Variants in TMBIM6 observed in about 807,000 individuals in gnomAD.
The protein encoded by TMBIM6 is bax inhibitor 1.
TMBIM6 carries 13 observed loss-of-function variants against 31.4 expected under a neutral mutation model. The observed-to-expected ratio is 0.41, with a 90% CI of 0.27 to 0.66. The LOEUF is 0.66. Among genes scored for constraint, TMBIM6 ranks in the 30% least tolerant of loss-of-function variants. TMBIM6 has a pLI of 0.28. For synonymous variants in TMBIM6, 85 were observed against 101.7 expected (o/e 0.84, Z 0.99); for missense variants, 275 against 289.5 (o/e 0.95, Z 0.36).
At chr12:49,748,400 C>G (rs1945435843) in intron 1 of TMBIM6, among the ~76,000 whole-genome samples, 1 of 152,190 alleles carries the variant, frequency 6.6e-6, no homozygotes, top group Non-Finnish European at 1.5e-5. Flanking sequence ...CAAAAGCAGA[C>G]CACAGGAATA....
At chr12:49,742,503 C>T (rs768074728) in intron 1 of TMBIM6, 61 of 473,582 alleles carry the variant, frequency 1.3e-4, no homozygotes, top group Non-Finnish European at 1.9e-4. Context: ...ACCCCCACAA[C>T]AAAAATCACT....
rs564941564 is a variant in TMBIM6, at chr12:49,753,279, A to C, written c.165+198A>C. Reference sequence around the variant, plus strand: ...CTGTGCCCCCTCTAGATACCGAAAAACAGAATGCCTTAACCTTGGCACTGA... The same window carrying C: ...CTGTGCCCCCTCTAGATACCGAAAACCAGAATGCCTTAACCTTGGCACTGA... On this transcript the variant is annotated intron_variant, in intron 3 of 9. Transcript: ENST00000267115. Among the ~76,000 whole-genome samples, 4 of 152,288 alleles carry C rather than the reference A, an allele frequency of 2.6e-5. No individual in the cohort carries two copies. In the East Asian group the frequency reaches 7.7e-4, roughly 29 times the overall value.
intron 7 of TMBIM6, 171 bp downstream of exon 7, chr12:49,758,933 A>G (rs763800711): frequency 1.5e-6 from 1 of 680,746 alleles, no homozygotes; most frequent in Middle Eastern, 4.1e-4. Context: ...AGGCTGCACA[A>G]GGTTGGGCAT....
At chr12:49,754,897 C>T in intron 3 of TMBIM6, among the ~76,000 whole-genome samples, 1 of 152,266 alleles carries the variant, frequency 6.6e-6, no homozygotes, top group East Asian at 1.9e-4. Context: ...CATTTTAGTA[C>T]TTTGCAGTCT....
Position 49,763,113 on chromosome 12 carries a change from C to G in TMBIM6, c.*217C>G. The stretch of plus-strand genomic sequence containing the variant: ...CATCTTCCTGGGGTTCCCCTCACTC[C>G]CTTTTTTGTCAACCCCATCTGTAGC... On this transcript the variant is annotated 3_prime_UTR_variant, in exon 10 of 10. Transcript: ENST00000267115. 2.2e-6 allele frequency: 1 copy of G among 462,088 alleles called. No homozygotes were observed. Among genetic ancestry groups the G allele is most frequent in the Non-Finnish European group, 3.9e-6 (1 of 255,832 alleles). The allele number at this position is 462,088 out of a possible 1,614,324, so 28.6% of individuals were successfully genotyped here. A position where few individuals can be genotyped will look rare whatever the true frequency, so the allele number is the denominator to read the frequency against.
In TMBIM6 at chr12:49,762,878, GAAGA is replaced by G. The variant is rs1432384150; in HGVS notation, c.701_704del (p.Lys234ArgfsTer59). ...TGATTTTTCTCCATTTCTAGGATAAGAAGAAAGAGAAGAAATGAAGTGACCATCC... is the reference window on the plus strand; with the variant it reads ...TGATTTTTCTCCATTTCTAGGATAAGAAGAGAAGAAATGAAGTGACCATCC... On this transcript the variant is annotated frameshift_variant, in exon 10 of 10. Coordinates refer to ENST00000267115, the MANE Select transcript of TMBIM6 (RefSeq NM_003217.3). LOFTEE classifies it high-confidence loss of function. 3.7e-6 allele frequency: 6 copies of G among 1,612,648 alleles called. No individual in the cohort carries two copies. In the African/African-American group the frequency reaches 6.7e-5, roughly 18 times the overall value.
chr12:49,761,958 G>A, intron 9 of TMBIM6, 179 bp downstream of exon 9: 2 of 575,840 alleles, frequency 3.5e-6, no homozygotes, highest in Non-Finnish European at 5.8e-6. Flanking sequence ...AGCAGCAAGT[G>A]AAAAAAAAAT....
chr12:49,745,480 T>G (rs1945373937), intron 1 of TMBIM6, among the ~76,000 whole-genome samples: 1 of 152,096 alleles, frequency 6.6e-6, no homozygotes, highest in African/African-American at 2.4e-5. Context: ...ATCCCAGCAC[T>G]TTGGGAGGCC....
chr12:49,760,137 G>A (rs1345286466), intron 8 of TMBIM6, among the ~76,000 whole-genome samples: 1 of 151,250 alleles, frequency 6.6e-6, no homozygotes, highest in Admixed American at 6.6e-5. Flanking sequence ...AAAAGTGTTG[G>A]GGGGTGGCTA....
chr12:49,758,544 C>T lies in TMBIM6; in HGVS notation c.433+64C>T, dbSNP rs1945651198. 7 of 1,562,648 alleles carry T rather than the reference C, an allele frequency of 4.5e-6. No homozygotes were observed. The Admixed American group carries it at 1.0e-4, about 22-fold the overall frequency. On this transcript the variant is annotated intron_variant, in intron 6 of 9. Coordinates refer to ENST00000267115, the MANE Select transcript of TMBIM6 (RefSeq NM_003217.3). Reference sequence around the variant, plus strand: ...TTTAGCCAGAATTCTCACTAGTACTCCTTCCTTACCCCTAACTCCTTTGCG... The same window carrying T: ...TTTAGCCAGAATTCTCACTAGTACTTCTTCCTTACCCCTAACTCCTTTGCG...
chr12:49,752,220 G>C (rs186335991), intron 1 of TMBIM6, among the ~76,000 whole-genome samples: 90 of 152,264 alleles, frequency 5.9e-4, no homozygotes, highest in African/African-American at 2.0e-3. Context: ...GAAATCAGAT[G>C]ATAGTAACAA....
intron 4 of TMBIM6, among the ~76,000 whole-genome samples, chr12:49,757,323 A>G (rs1186365551): frequency 6.6e-6 from 1 of 152,254 alleles, no homozygotes; most frequent in Admixed American, 6.5e-5. Flanking sequence ...AGCATAACCT[A>G]TTAATAGTAG....
chr12:49,751,718 A>G (rs1439980915), intron 1 of TMBIM6, among the ~76,000 whole-genome samples: 3 of 151,188 alleles, frequency 2.0e-5, no homozygotes, highest in South Asian at 4.2e-4. Flanking sequence ...AGACTAGTCA[A>G]AGTTTTGTTT....
chr12:49,761,471 T>C (rs189740622), intron 8 of TMBIM6, among the ~76,000 whole-genome samples: 2 of 152,140 alleles, frequency 1.3e-5, no homozygotes, highest in Non-Finnish European at 2.9e-5. Context: ...TCCCAAAATG[T>C]TGGGATTACA....
intron 1 of TMBIM6, among the ~76,000 whole-genome samples, chr12:49,747,454 G>T (rs148343156): frequency 1.3e-5 from 2 of 151,718 alleles, no homozygotes; most frequent in Admixed American, 6.6e-5. Context: ...GACAACAGGC[G>T]CACACCACCA....
intron 1 of TMBIM6, among the ~76,000 whole-genome samples, chr12:49,749,381 ATAAGTTGAAAATACCG>A (rs1426618842): frequency 4.6e-5 from 7 of 152,060 alleles, no homozygotes; most frequent in African/African-American, 1.2e-4. Flanking sequence ...AAACCCCATC[ATAAGTTGAAAATACCG>A]TAAGTTGAAA....
chr12:49,756,414 G>A (rs1302438826), intron 4 of TMBIM6, among the ~76,000 whole-genome samples: 1 of 146,514 alleles, frequency 6.8e-6, no homozygotes, highest in Non-Finnish European at 1.5e-5. Context: ...GATGACAGGC[G>A]TGAGCCATAG....
intron 1 of TMBIM6, chr12:49,742,340 C>T (rs1050219557): frequency 6.6e-7 from 1 of 1,509,892 alleles, no homozygotes; most frequent in African/African-American, 1.4e-5. Flanking sequence ...TAAGTCTGCT[C>T]AGCAAGGGCG....
At chr12:49,755,843 T>C in intron 4 of TMBIM6, 88 bp downstream of exon 4, 6 of 1,473,128 alleles carry the variant, frequency 4.1e-6, no homozygotes, top group South Asian at 1.3e-5. Flanking sequence ...TTTTCTTTTT[T>C]TTTTTTTTGA....
Sources: gnomAD v4.1 joint callset for allele counts (sites outside exome capture counted in the v4.1 genomes callset) on GRCh38, gnomAD v4.1.1 for gene constraint, MANE v1.5 for transcripts, NCBI Gene and HGNC (gene_info 2026-07-23, HGNC 2026-07-21) for gene names.